Variants in PHYHIPL observed in about 807,000 individuals in gnomAD.
PHYHIPL encodes the protein phytanoyl-CoA hydroxylase-interacting protein-like.
Under a neutral mutation model 33.4 loss-of-function variants are expected in PHYHIPL, and 9 were observed. The ratio of observed to expected loss-of-function variants is 0.27; its 90% CI spans 0.16 to 0.47. The LOEUF (loss-of-function observed/expected upper bound fraction) is 0.47, where lower values mean the gene tolerates loss of function less well. Among genes scored for constraint, PHYHIPL ranks in the 20% least tolerant of loss-of-function variants. The pLI is 0.99. For missense variants in PHYHIPL, 365 were observed against 460.7 expected, an observed-to-expected ratio of 0.79 and a Z score of 1.90; for synonymous variants, 153 against 154.1, an observed-to-expected ratio of 0.99 and a Z score of 0.05.
Position 59,176,768 on chromosome 10 carries a change from C to G in PHYHIPL, c.-86C>G. 1 of 1,230,622 alleles carries G rather than the reference C, an allele frequency of 8.1e-7. No individual in the cohort carries two copies. The highest frequency in any genetic ancestry group is 1.1e-6 in the Non-Finnish European group (1 of 874,978). 76.2% of individuals were successfully genotyped at this position (1,230,622 alleles called of 1,614,324 possible). A position where few individuals can be genotyped will look rare whatever the true frequency, so the allele number is the denominator to read the frequency against. On this transcript the variant is annotated 5_prime_UTR_variant, in exon 1 of 5. Transcript: ENST00000373880. ...CCTCCTTCCCTCCCTCTGCCACTCC[C>G]CCTCCCTTTCCCGCTCTTCTTGCCC...
intron 1 of PHYHIPL, among the ~76,000 whole-genome samples, chr10:59,208,984 C>A (rs1311960203): frequency 6.6e-6 from 1 of 152,106 alleles, no homozygotes; most frequent in Non-Finnish European, 1.5e-5. Context: ...GAGAATGGAA[C>A]CAAGTTGGAA....
chr10:59,234,104 C>T (rs1264910350), intron 1 of PHYHIPL, among the ~76,000 whole-genome samples, 200 bp from the exon 2 acceptor site: 1 of 151,720 alleles, frequency 6.6e-6, no homozygotes, highest in Middle Eastern at 3.2e-3. Flanking sequence ...ATAAAACTAA[C>T]ATGTCATAGA....
intron 1 of PHYHIPL, among the ~76,000 whole-genome samples, chr10:59,199,524 G>A (rs1392563877): frequency 1.3e-5 from 2 of 152,146 alleles, no homozygotes; most frequent in Admixed American, 1.3e-4. Flanking sequence ...GCTTAGGATT[G>A]TCTTGGCAAT....
upstream of PHYHIPL, among the ~76,000 whole-genome samples, chr10:59,175,618 AG>A (rs1413565766): frequency 6.6e-6 from 1 of 152,240 alleles, no homozygotes; most frequent in African/African-American, 2.4e-5. Context: ...AGAGGTCAAT[AG>A]GCTGTGACCT....
Position 59,176,903 on chromosome 10 carries a change from G to C in PHYHIPL, c.50G>C (p.Cys17Ser). 6.2e-7 allele frequency: 1 copy of C among 1,613,784 alleles called. No homozygotes were observed. Among genetic ancestry groups the C allele is most frequent in the East Asian group, 2.2e-5 (1 of 44,804 alleles). The change falls in exon 1 of 5, where the codon TGT becomes TCT. Residue 17 changes from cysteine (C) to serine (S), a missense_variant. This residue lies in a region of PHYHIPL where 89 missense variants were observed against 78.3 expected (regional missense o/e 1.14). Transcript: ENST00000373880. ...DHALNSPTSP[C>S]EEVIKNLSLE... ...GCCCTCAACAGCCCCACCAGCCCCT[G>C]TGAGGAGGTGATCAAAAACCTCAGC...
chr10:59,236,496 A>G lies in PHYHIPL; in HGVS notation c.317A>G (p.Lys106Arg). 6.3e-7 allele frequency: 1 copy of G among 1,590,422 alleles called. No individual in the cohort carries two copies. The highest frequency in any genetic ancestry group is 8.6e-7 in the Non-Finnish European group (1 of 1,168,336). The change falls in exon 3 of 5, where the codon AAA becomes AGA. Residue 106 changes from lysine to arginine, a missense_variant. Transcript: ENST00000373880. ...NKFKHKDVPT[K>R]LVAKAVPLPM... Reference sequence around the variant, plus strand: ...TTTCATTCCTAGGATGTTCCCACAAAATTGGTGGCAAAAGCTGTTCCCTTG... The same window carrying G: ...TTTCATTCCTAGGATGTTCCCACAAGATTGGTGGCAAAAGCTGTTCCCTTG...
At chr10:59,199,582 A>G (rs1041113640) in intron 1 of PHYHIPL, among the ~76,000 whole-genome samples, 6 of 152,118 alleles carry the variant, frequency 3.9e-5, no homozygotes, top group African/African-American at 1.4e-4. Flanking sequence ...GTTTTTTCCA[A>G]TTCTGTGAAG....
At chr10:59,224,306 G>C (rs902025231) in intron 1 of PHYHIPL, among the ~76,000 whole-genome samples, 4 of 151,946 alleles carry the variant, frequency 2.6e-5, no homozygotes, top group Admixed American at 1.3e-4. Flanking sequence ...CTACACCTTT[G>C]CTGATTTTGA....
At chr10:59,182,994 A>G (rs369586076) in intron 1 of PHYHIPL, among the ~76,000 whole-genome samples, 2 of 152,224 alleles carry the variant, frequency 1.3e-5, no homozygotes, top group African/African-American at 2.4e-5. Context: ...GAGCTGGTGA[A>G]TATCCAAATA....
intron 3 of PHYHIPL, among the ~76,000 whole-genome samples, 189 bp downstream of exon 3, chr10:59,236,846 A>G (rs1165046654): frequency 1.3e-5 from 2 of 151,968 alleles, no homozygotes; most frequent in East Asian, 3.9e-4. Context: ...TTCTCAGTAG[A>G]AAAATCTGAG....
chr10:59,193,932 C>T (rs1053957392), intron 1 of PHYHIPL, among the ~76,000 whole-genome samples: 1 of 152,050 alleles, frequency 6.6e-6, no homozygotes, highest in Non-Finnish European at 1.5e-5. Context: ...AAAAGCTTTA[C>T]ATATTTACAT....
intron 1 of PHYHIPL, among the ~76,000 whole-genome samples, chr10:59,229,031 AC>A (rs1467339294): frequency 6.6e-6 from 1 of 152,184 alleles, no homozygotes; most frequent in African/African-American, 2.4e-5. Flanking sequence ...ATGTTCTATT[AC>A]AGTATTTGCC....
intron 1 of PHYHIPL, among the ~76,000 whole-genome samples, chr10:59,180,294 A>AAT (rs71006236): frequency 0.01 from 1,351 of 133,960 alleles, 62 homozygotes; most frequent in African/African-American, 0.036. Flanking sequence ...ACACATATAT[A>AAT]ATATATATAT....
intron 1 of PHYHIPL, among the ~76,000 whole-genome samples, chr10:59,180,314 G>GTATGTGTGTGTA (rs1491252242): frequency 1.0e-4 from 9 of 86,154 alleles, no homozygotes; most frequent in African/African-American, 4.2e-4. Context: ...TATAGAAAAA[G>GTATGTGTGTGTA]TATATATATA....
intron 1 of PHYHIPL, among the ~76,000 whole-genome samples, chr10:59,185,512 T>G (rs913812969): frequency 3.3e-5 from 5 of 152,154 alleles, no homozygotes; most frequent in African/African-American, 1.2e-4. Flanking sequence ...ATGGTATTTC[T>G]AATTCTAGAT....
intron 1 of PHYHIPL, among the ~76,000 whole-genome samples, chr10:59,200,244 A>G (rs939325899): frequency 6.6e-5 from 10 of 152,074 alleles, no homozygotes; most frequent in African/African-American, 9.7e-5. Flanking sequence ...AATATCTAAT[A>G]TATTGAGAGT....
At chr10:59,237,184 C>A (rs1388817375) in intron 3 of PHYHIPL, among the ~76,000 whole-genome samples, 2 of 151,764 alleles carry the variant, frequency 1.3e-5, no homozygotes, top group Admixed American at 1.3e-4. Context: ...GTCCTGTATA[C>A]ATATGTGTGT....
chr10:59,184,237 A>G (rs1359553364), intron 1 of PHYHIPL, among the ~76,000 whole-genome samples: 1 of 152,128 alleles, frequency 6.6e-6, no homozygotes, highest in Non-Finnish European at 1.5e-5. Flanking sequence ...AGCCATACTC[A>G]TTTGTTTACA....
intron 4 of PHYHIPL, among the ~76,000 whole-genome samples, chr10:59,241,719 G>A (rs755490464): frequency 5.3e-5 from 8 of 152,130 alleles, no homozygotes; most frequent in Non-Finnish European, 7.4e-5. Context: ...TAACAAGGGC[G>A]AGAAATTTTG....
Sources: gnomAD v4.1 joint callset for allele counts (sites outside exome capture counted in the v4.1 genomes callset) on GRCh38, gnomAD v4.1.1 for gene constraint, gnomAD v4.1.1 regional missense constraint, MANE v1.5 for transcripts, NCBI Gene and HGNC (gene_info 2026-07-23, HGNC 2026-07-21) for gene names.